Variants in ST6GALNAC3 observed in about 807,000 individuals in gnomAD.
ST6GALNAC3 encodes the protein ST6 N-acetylgalactosaminide alpha-2,6-sialyltransferase 3.
ST6GALNAC3 carries 25 observed loss-of-function variants against 32.7 expected under a neutral mutation model. The ratio of observed to expected loss-of-function variants is 0.76; its 90% CI spans 0.56 to 1.07. ST6GALNAC3 has a LOEUF of 1.07. Among genes scored for constraint, ST6GALNAC3 ranks in the 50% least tolerant of loss-of-function variants. ST6GALNAC3 has a pLI of 0.00. For missense variants in ST6GALNAC3, 355 were observed against 382.4 expected, an observed-to-expected ratio of 0.93 and a Z score of 0.60; for synonymous variants, 129 against 133.1, an observed-to-expected ratio of 0.97 and a Z score of 0.21.
At chr1:76,300,543 G>A (rs1463227317) in intron 1 of ST6GALNAC3, among the ~76,000 whole-genome samples, 1 of 151,970 alleles carries the variant, frequency 6.6e-6, no homozygotes, top group Non-Finnish European at 1.5e-5. Flanking sequence ...GACTTATCTA[G>A]ATATAGCCTC....
intron 3 of ST6GALNAC3, among the ~76,000 whole-genome samples, chr1:76,626,725 A>G (rs932298978): frequency 6.6e-6 from 1 of 151,728 alleles, no homozygotes; most frequent in Non-Finnish European, 1.5e-5. Flanking sequence ...AGGCTTTCCT[A>G]GCCAAACTTT....
intron 3 of ST6GALNAC3, among the ~76,000 whole-genome samples, chr1:76,583,537 TAGA>T (rs72340015): frequency 0.22 from 32,972 of 152,018 alleles, 3,685 homozygotes; most frequent in Middle Eastern, 0.28. Flanking sequence ...GAAAAATTCC[TAGA>T]AGAAGAAACT....
intron 1 of ST6GALNAC3, among the ~76,000 whole-genome samples, chr1:76,164,787 T>C (rs1652021645): frequency 1.3e-5 from 2 of 152,148 alleles, no homozygotes; most frequent in Admixed American, 1.3e-4. Context: ...GAAAGGCTGA[T>C]GTTAGTCAAT....
At chr1:76,264,278 T>TGCA (rs1414366561) in intron 1 of ST6GALNAC3, among the ~76,000 whole-genome samples, 1 of 152,182 alleles carries the variant, frequency 6.6e-6, no homozygotes, top group Non-Finnish European at 1.5e-5. Context: ...TTCTTCATAT[T>TGCA]GCACTGAATT....
At chr1:76,244,109 C>T (rs1657121922) in intron 1 of ST6GALNAC3, among the ~76,000 whole-genome samples, 1 of 151,834 alleles carries the variant, frequency 6.6e-6, no homozygotes, top group Admixed American at 6.6e-5. Flanking sequence ...TGTTTGTGTC[C>T]TTTCTTATTT....
chr1:76,306,811 T>C (rs10782612), intron 1 of ST6GALNAC3, among the ~76,000 whole-genome samples: 32,213 of 151,900 alleles, frequency 0.21, 3,895 homozygotes, highest in East Asian at 0.46. Flanking sequence ...AAAAAACTCA[T>C]TGAGTTTTTA....
At chr1:76,574,193 G>A (rs537939151) in intron 3 of ST6GALNAC3, among the ~76,000 whole-genome samples, 1 of 152,040 alleles carries the variant, frequency 6.6e-6, no homozygotes, top group Admixed American at 6.6e-5. Flanking sequence ...ATATGGCACA[G>A]TTTTGAGTGA....
intron 3 of ST6GALNAC3, among the ~76,000 whole-genome samples, chr1:76,623,658 A>G (rs1648784717): frequency 6.6e-6 from 1 of 152,020 alleles, no homozygotes; most frequent in Non-Finnish European, 1.5e-5. Flanking sequence ...ACTTTAAGGC[A>G]TTTGATAGTT....
At chr1:76,377,459 G>GCAGA (rs796516302) in intron 2 of ST6GALNAC3, among the ~76,000 whole-genome samples, 619 of 17,416 alleles carry the variant, frequency 0.036, 7 homozygotes, top group African/African-American at 0.082. Flanking sequence ...TCTTCACAGG[G>GCAGA]CAGAGAGAGA....
intron 1 of ST6GALNAC3, among the ~76,000 whole-genome samples, chr1:76,291,425 C>T (rs1425410572): frequency 1.3e-5 from 2 of 152,186 alleles, no homozygotes; most frequent in East Asian, 1.9e-4. Context: ...AATGTGGCCT[C>T]GCTGCCCCAG....
chr1:76,373,411 G>A (rs1650986986), intron 2 of ST6GALNAC3, among the ~76,000 whole-genome samples: 1 of 152,178 alleles, frequency 6.6e-6, no homozygotes, highest in Non-Finnish European at 1.5e-5. Flanking sequence ...GTAAATAGGT[G>A]CCAAGGGTAG....
chr1:76,117,609 T>TA (rs1200228218), intron 1 of ST6GALNAC3, among the ~76,000 whole-genome samples: 1 of 93,138 alleles, frequency 1.1e-5, no homozygotes, highest in Admixed American at 1.2e-4. Flanking sequence ...CACGCTGGAC[T>TA]AGCTCTGAGC....
intron 3 of ST6GALNAC3, among the ~76,000 whole-genome samples, chr1:76,488,378 A>G (rs979326977): frequency 6.6e-6 from 1 of 152,144 alleles, no homozygotes; most frequent in Non-Finnish European, 1.5e-5. Context: ...CTAGAAGCCA[A>G]CCAGGCGCTA....
chr1:76,330,882 A>G (rs1366712473), intron 2 of ST6GALNAC3, among the ~76,000 whole-genome samples: 1 of 152,148 alleles, frequency 6.6e-6, no homozygotes, highest in Non-Finnish European at 1.5e-5. Context: ...TGCTACAGGA[A>G]TATTGATCCC....
chr1:76,112,293 G>A (rs1321445352), intron 1 of ST6GALNAC3, among the ~76,000 whole-genome samples: 3 of 134,180 alleles, frequency 2.2e-5, no homozygotes, highest in Non-Finnish European at 4.8e-5. Context: ...GGGCAGAGGG[G>A]CTCCTCACTT....
chr1:76,462,641 C>T, intron 3 of ST6GALNAC3, among the ~76,000 whole-genome samples: 1 of 152,074 alleles, frequency 6.6e-6, no homozygotes, highest in East Asian at 1.9e-4. Flanking sequence ...ATATATGTAT[C>T]ACTAGCACTT....
rs910305333 is a variant in ST6GALNAC3 at position 76,503,528 on chromosome 1, A to G, written c.623+91111A>G. Among the ~76,000 whole-genome samples, 7 of 152,318 alleles carry G rather than the reference A, an allele frequency of 4.6e-5. No individual in the cohort carries two copies. In the South Asian group the frequency reaches 1.0e-3, roughly 23 times the overall value. ...TTCCTGTCTTGCAGGATGAATGTGT[A>G]CTTTTACAGAGAATACAGTCTCAAT... On this transcript the variant is annotated intron_variant, in intron 3 of 4. Transcript: ENST00000328299.
intron 1 of ST6GALNAC3, among the ~76,000 whole-genome samples, chr1:76,225,487 C>T (rs544981858): frequency 3.3e-5 from 5 of 152,088 alleles, no homozygotes; most frequent in East Asian, 1.9e-4. Context: ...GAAAACAAAC[C>T]CATTAAAGAG....
intron 1 of ST6GALNAC3, among the ~76,000 whole-genome samples, chr1:76,235,784 A>G (rs1014820566): frequency 6.8e-6 from 1 of 147,866 alleles, no homozygotes; most frequent in African/African-American, 2.5e-5. Context: ...GAAGTGTCAC[A>G]GCACTGTTTT....
Sources: allele counts gnomAD v4.1 joint callset (sites outside exome capture counted in the v4.1 genomes callset), GRCh38; gene constraint gnomAD v4.1.1; transcripts MANE v1.5; gene names NCBI Gene and HGNC (gene_info 2026-07-23, HGNC 2026-07-21).